RBFOX1: variants seen among roughly 807,000 people sequenced by gnomAD.
RBFOX1 encodes the protein RNA binding fox-1 homolog 1.
In RBFOX1, 8 loss-of-function variants were observed where a neutral mutation model predicts 57.7. That is an observed-to-expected ratio of 0.14 (90% CI 0.08 to 0.25). The LOEUF is 0.25. Ranked by LOEUF, RBFOX1 falls within the 10% of genes least tolerant of loss-of-function variation. The probability of loss-of-function intolerance (pLI) is 1.00; values close to 1 mark genes in which losing one functional copy is unlikely to be tolerated. For synonymous variants in RBFOX1, 326 were observed against 222.4 expected, an observed-to-expected ratio of 1.47 and a Z score of -4.15; for missense variants, 611 against 548.5, an observed-to-expected ratio of 1.11 and a Z score of -1.14.
chr16:5,543,916 C>T (rs1363547362), intron 2 of RBFOX1, among the ~76,000 whole-genome samples: 1 of 152,044 alleles, frequency 6.6e-6, no homozygotes, highest in East Asian at 1.9e-4. Context: ...AATGTAAGTG[C>T]AAAAAGAAAG....
At chr16:7,608,092 T>C (rs1376435294) in intron 10 of RBFOX1, among the ~76,000 whole-genome samples, 2 of 152,176 alleles carry the variant, frequency 1.3e-5, no homozygotes, top group African/African-American at 4.8e-5. Flanking sequence ...CCTAGGACCT[T>C]AGTAGGTTTG....
At position 5,776,955 on chromosome 16, in the gene RBFOX1, A is replaced by T. The variant is rs531637369; in HGVS notation, c.319-90348A>T. Among the ~76,000 whole-genome samples the T allele has an allele frequency of 3.0e-4, 46 of 152,320 alleles. 1 individual carries two copies. Among genetic ancestry groups the T allele is most frequent in the Non-Finnish European group, 5.6e-4 (38 of 68,030 alleles). Reference sequence around the variant, plus strand: ...AGATGACTCTGGAATTGAATTTTAAATTAAATTTAAATTTATCTTAATTTA... The same window carrying T: ...AGATGACTCTGGAATTGAATTTTAATTTAAATTTAAATTTATCTTAATTTA... On this transcript the variant is annotated intron_variant, in intron 3 of 19. Coordinates refer to the RBFOX1 transcript ENST00000641259.
intron 2 of RBFOX1, among the ~76,000 whole-genome samples, chr16:5,579,776 T>C (rs1177124986): frequency 6.7e-6 from 1 of 149,816 alleles, no homozygotes; most frequent in East Asian, 1.9e-4. Flanking sequence ...TTTTTTTTCC[T>C]TGAGAAGGAG....
chr16:6,774,010 C>G (rs2078908209), intron 3 of RBFOX1: 1 of 985,078 alleles, frequency 1.0e-6, no homozygotes. Flanking sequence ...TCCTCAGAGA[C>G]CAGGTAATCA....
chr16:6,027,829 G>A (rs1172575703), intron 1 of RBFOX1, among the ~76,000 whole-genome samples: 1 of 152,208 alleles, frequency 6.6e-6, no homozygotes, highest in Non-Finnish European at 1.5e-5. Context: ...TGAGAGTGAA[G>A]GGGGAAGAAC....
At chr16:7,448,843 C>CGGTATAA (rs1383777923) in intron 4 of RBFOX1, among the ~76,000 whole-genome samples, 1 of 151,404 alleles carries the variant, frequency 6.6e-6, no homozygotes, top group Admixed American at 6.6e-5. Context: ...CACTTTAATC[C>CGGTATAA]GGTATAATCT....
chr16:5,663,734 C>T (rs914239908), intron 3 of RBFOX1, among the ~76,000 whole-genome samples: 2 of 152,196 alleles, frequency 1.3e-5, no homozygotes, highest in Admixed American at 6.5e-5. Flanking sequence ...AGCGTGGAAG[C>T]AACAGGAAAG....
intron 3 of RBFOX1, among the ~76,000 whole-genome samples, chr16:7,002,798 A>T (rs924570244): frequency 6.6e-6 from 1 of 152,192 alleles, no homozygotes; most frequent in African/African-American, 2.4e-5. Context: ...TGTTTGAGGA[A>T]TGTGTTGTGG....
At chr16:7,423,703 G>A (rs559678704) in intron 4 of RBFOX1, among the ~76,000 whole-genome samples, 2 of 152,268 alleles carry the variant, frequency 1.3e-5, no homozygotes, top group East Asian at 1.9e-4. Flanking sequence ...CCTGCCCAGA[G>A]GAGGAGGCTG....
intron 1 of RBFOX1, among the ~76,000 whole-genome samples, chr16:5,275,430 C>G (rs958150355): frequency 1.8e-4 from 27 of 152,106 alleles, no homozygotes; most frequent in African/African-American, 4.6e-4. Context: ...CAAATCAAAC[C>G]CTTTTATAAT....
chr16:5,521,508 A>G (rs966928405), intron 2 of RBFOX1, among the ~76,000 whole-genome samples: 1 of 101,716 alleles, frequency 9.8e-6, no homozygotes, highest in East Asian at 3.7e-4. Context: ...GAACCTGTCA[A>G]CGAACCTATC....
chr16:7,091,001 T>C (rs1177639729), intron 4 of RBFOX1, among the ~76,000 whole-genome samples: 1 of 152,192 alleles, frequency 6.6e-6, no homozygotes, highest in African/African-American at 2.4e-5. Flanking sequence ...AAGTAGGCAA[T>C]TGGCACCTAC....
intron 4 of RBFOX1, among the ~76,000 whole-genome samples, chr16:7,279,089 C>CT (rs200732239): frequency 0.044 from 5,994 of 136,416 alleles, 301 homozygotes; most frequent in African/African-American, 0.13. Flanking sequence ...TCTGGAGACT[C>CT]TTTTTTTTTT....
chr16:7,303,085 TTCCA>T (rs1391588708), intron 4 of RBFOX1, among the ~76,000 whole-genome samples: 1 of 152,218 alleles, frequency 6.6e-6, no homozygotes. Flanking sequence ...AGAAGCCCCC[TTCCA>T]GTCGCCCCGA....
chr16:7,523,200 T>C (rs1048052071), intron 5 of RBFOX1, among the ~76,000 whole-genome samples: 3 of 152,244 alleles, frequency 2.0e-5, no homozygotes, highest in Non-Finnish European at 4.4e-5. Context: ...GTACTGTTTC[T>C]GCATGGATAT....
At chr16:5,570,786 G>C (rs1201259061) in intron 2 of RBFOX1, among the ~76,000 whole-genome samples, 1 of 150,232 alleles carries the variant, frequency 6.7e-6, no homozygotes, top group Admixed American at 6.7e-5. Context: ...GTTGTAGTGA[G>C]CTGAGATTGC....
intron 3 of RBFOX1, among the ~76,000 whole-genome samples, chr16:5,687,830 C>T (rs1029545230): frequency 5.3e-5 from 8 of 152,066 alleles, no homozygotes; most frequent in Admixed American, 1.3e-4. Flanking sequence ...GTTAGGTGGA[C>T]GTTTTATATT....
At chr16:7,165,064 C>G (rs1379294233) in intron 4 of RBFOX1, among the ~76,000 whole-genome samples, 1 of 152,158 alleles carries the variant, frequency 6.6e-6, no homozygotes. Flanking sequence ...AGCTACTATT[C>G]CAAATTCCCA....
At chr16:7,709,713 C>G (rs992810061) in intron 15 of RBFOX1, 143 of 1,121,824 alleles carry the variant, frequency 1.3e-4, no homozygotes, top group Non-Finnish European at 1.5e-4. Context: ...TGGGGGTTGC[C>G]TTTTGTTTTG....
Sources: allele counts gnomAD v4.1 joint callset (sites outside exome capture counted in the v4.1 genomes callset), GRCh38; gene constraint gnomAD v4.1.1; transcripts MANE v1.5; gene names NCBI Gene and HGNC (gene_info 2026-07-23, HGNC 2026-07-21).